The following ARHGEF18 variants were observed in gnomAD, a reference collection of about 807,000 sequenced individuals.
The protein encoded by ARHGEF18 is Rho/Rac guanine nucleotide exchange factor 18, also known as rho guanine nucleotide exchange factor 18.
Under a neutral mutation model 155.7 loss-of-function variants are expected in ARHGEF18, and 93 were observed. The ratio of observed to expected loss-of-function variants is 0.60; its 90% CI spans 0.50 to 0.71. The LOEUF is 0.71. Among genes scored for constraint, ARHGEF18 ranks in the 30% least tolerant of loss-of-function variants. The pLI is 0.00. For synonymous variants in ARHGEF18, 742 were observed against 753.1 expected (o/e 0.99, Z 0.24); for missense variants, 1,593 against 1,816.1 (o/e 0.88, Z 2.23).
downstream of ARHGEF18, among the ~76,000 whole-genome samples, chr19:7,474,212 A>G (rs904367239): frequency 6.6e-6 from 1 of 151,758 alleles, no homozygotes; most frequent in Non-Finnish European, 1.5e-5. Flanking sequence ...GGTGGCAAAC[A>G]CCTGTAATTC....
intron 17 of ARHGEF18, among the ~76,000 whole-genome samples, chr19:7,454,073 G>C (rs1253811782): frequency 6.6e-6 from 1 of 151,726 alleles, no homozygotes; most frequent in East Asian, 1.9e-4. Flanking sequence ...GCATCATCTT[G>C]GATTGGTAGG....
chr19:7,355,283 A>G (rs1184536261), intron 1 of ARHGEF18, among the ~76,000 whole-genome samples: 2 of 152,088 alleles, frequency 1.3e-5, no homozygotes, highest in Non-Finnish European at 2.9e-5. Context: ...GATGGCACGC[A>G]CACACACACA....
At chr19:7,447,193 C>G in intron 15 of ARHGEF18, 25 bp downstream of exon 15, 1 of 1,584,010 alleles carries the variant, frequency 6.3e-7, no homozygotes, top group Non-Finnish European at 8.6e-7. Context: ...TTTTTTTAAT[C>G]AAAAACTTAT....
intron 7 of ARHGEF18, among the ~76,000 whole-genome samples, chr19:7,380,163 G>T (rs972314456): frequency 1.3e-4 from 20 of 149,710 alleles, no homozygotes; most frequent in African/African-American, 4.7e-4. Context: ...GAGCAACAGA[G>T]CAAAACCCTG....
chr19:7,407,397 G>C (rs1972381962), intron 10 of ARHGEF18, among the ~76,000 whole-genome samples: 1 of 150,824 alleles, frequency 6.6e-6, no homozygotes, highest in South Asian at 2.1e-4. Flanking sequence ...CTGTACCCCA[G>C]CCTGGGTGAC....
rs533411510 is a variant in ARHGEF18, at chr19:7,463,720, T to C, written c.2636-98T>C. 7.2e-7 allele frequency: 1 copy of C among 1,394,528 alleles called. No individual in the cohort carries two copies. Among genetic ancestry groups the C allele is most frequent in the African/African-American group, 1.5e-5 (1 of 68,802 alleles). 86.4% of individuals were successfully genotyped at this position (1,394,528 alleles called of 1,614,324 possible). A position where few individuals can be genotyped will look rare whatever the true frequency, so the allele number is the denominator to read the frequency against. On this transcript the variant is annotated intron_variant, in intron 21 of 28. Coordinates refer to ENST00000668164, the MANE Select transcript of ARHGEF18 (RefSeq NM_001367823.1). The surrounding 1 kb of genome is among the most constrained non-coding windows in gnomAD (Gnocchi z 5.2). ...GGCAGGCGATCACCACCCCAGTGAG[T>C]CCCTCCGTCCACCCGGGTCTCGCTG...
At chr19:7,370,617 G>C (rs981499394) in intron 2 of ARHGEF18, among the ~76,000 whole-genome samples, 1 of 152,120 alleles carries the variant, frequency 6.6e-6, no homozygotes, top group Non-Finnish European at 1.5e-5. Context: ...ACAGATATCT[G>C]CACACTGATG....
At chr19:7,350,772 GTGTGTGT>G (rs1969137782) in intron 1 of ARHGEF18, among the ~76,000 whole-genome samples, 900 of 27,432 alleles carry the variant, frequency 0.033, 8 homozygotes, top group African/African-American at 0.16. Context: ...GGGTGGGTGT[GTGTGTGT>G]GTGTGTGTGT....
At chr19:7,424,114 C>A (rs560562875) in intron 10 of ARHGEF18, among the ~76,000 whole-genome samples, 25 of 152,030 alleles carry the variant, frequency 1.6e-4, no homozygotes, top group Non-Finnish European at 3.2e-4. Context: ...GCAACCTCCA[C>A]CTCCCGGGTT....
chr19:7,368,241 C>A (rs1053462354), intron 2 of ARHGEF18, among the ~76,000 whole-genome samples: 1 of 151,992 alleles, frequency 6.6e-6, no homozygotes, highest in Non-Finnish European at 1.5e-5. Context: ...GCGTGGTGAG[C>A]CTTTCTGAAG....
chr19:7,392,240 CAA>C (rs3997574), intron 10 of ARHGEF18, among the ~76,000 whole-genome samples: 2,436 of 71,972 alleles, frequency 0.034, 39 homozygotes, highest in African/African-American at 0.11. Flanking sequence ...GACTCCGTCT[CAA>C]AAAAAAAAAA....
rs1568270204 is a variant in ARHGEF18 at position 7,367,844 on chromosome 19, A to ATATATATACACATATATATATTT, written c.15+4947_15+4948insCACATATATATATTTTATATATA. On this transcript the variant is annotated intron_variant, in intron 2 of 28. Transcript: ENST00000668164. ...ATATATATACACATATATATATTTT[A>ATATATATACACATATATATATTT]TATATATATATACACATATATATTT... is the stretch of plus-strand genomic sequence containing the variant. Among the ~76,000 whole-genome samples the ATATATATACACATATATATATTT allele has an allele frequency of 6.4e-3, 25 of 3,880 alleles. 2 individuals carry two copies. Among genetic ancestry groups the ATATATATACACATATATATATTT allele is most frequent in the African/African-American group, 0.012 (21 of 1,764 alleles). 2.5% of individuals were successfully genotyped at this position (3,880 alleles called of 152,430 possible). A position where few individuals can be genotyped will look rare whatever the true frequency, so the allele number is the denominator to read the frequency against.
intron 18 of ARHGEF18, among the ~76,000 whole-genome samples, chr19:7,457,779 A>C (rs1975938597): frequency 6.6e-6 from 1 of 152,004 alleles, no homozygotes; most frequent in African/African-American, 2.4e-5. Flanking sequence ...AGCCAGTTAA[A>C]ATGTGCATTT....
intron 10 of ARHGEF18, among the ~76,000 whole-genome samples, chr19:7,428,352 C>T (rs1003477249): frequency 6.6e-6 from 1 of 152,102 alleles, no homozygotes; most frequent in Non-Finnish European, 1.5e-5. Flanking sequence ...TATGGCCTTC[C>T]TTCACCTTCC....
intron 10 of ARHGEF18, among the ~76,000 whole-genome samples, chr19:7,400,168 A>G (rs1177989563): frequency 1.3e-5 from 2 of 152,172 alleles, no homozygotes; most frequent in African/African-American, 2.4e-5. Flanking sequence ...GGATGGTTAC[A>G]TTTTTAATTC....
At chr19:7,385,953 T>C (rs1600253069) in intron 10 of ARHGEF18, among the ~76,000 whole-genome samples, 1 of 100,372 alleles carries the variant, frequency 1.0e-5, no homozygotes, top group East Asian at 3.7e-4. Flanking sequence ...TCCCTCTCTC[T>C]CTCTCCCTCC....
At chr19:7,419,079 C>T (rs1257738798) in intron 10 of ARHGEF18, among the ~76,000 whole-genome samples, 5 of 148,592 alleles carry the variant, frequency 3.4e-5, no homozygotes, top group South Asian at 2.1e-4. Context: ...CACACTCGGC[C>T]TCTGTACCCT....
At chr19:7,476,897 G>C (rs116378001), downstream of ARHGEF18, 552 of 356,764 alleles carry the variant, frequency 1.5e-3, 6 homozygotes, top group African/African-American at 0.01. Context: ...ATGTTTAATT[G>C]ATTCCCGTTC....
chr19:7,383,284 T>A (rs1321688997), intron 10 of ARHGEF18, 81 bp downstream of exon 10: 1 of 1,224,702 alleles, frequency 8.2e-7, no homozygotes, highest in Non-Finnish European at 1.0e-6. Flanking sequence ...ACTCCTGGGG[T>A]CTCTTTTGAT....
Sources: allele counts gnomAD v4.1 joint callset (sites outside exome capture counted in the v4.1 genomes callset), GRCh38; gene constraint gnomAD v4.1.1; non-coding constraint Gnocchi (gnomAD v3.1); transcripts MANE v1.5; gene names NCBI Gene and HGNC (gene_info 2026-07-23, HGNC 2026-07-21).